The following ATL1 variants were observed in gnomAD, a reference collection of about 807,000 sequenced individuals.
The protein encoded by ATL1 is atlastin-1.
ATL1 carries 31 observed loss-of-function variants against 75.5 expected under a neutral mutation model. The ratio of observed to expected loss-of-function variants is 0.41; its 90% CI spans 0.31 to 0.55. The LOEUF is 0.55. ATL1 is among the 20% of genes least tolerant of loss of function. ATL1 has a pLI of 0.27. For missense variants in ATL1, 405 were observed against 662.6 expected (o/e 0.61, Z 4.27); for synonymous variants, 226 against 233.3 (o/e 0.97, Z 0.28).
rs773997706 is a variant in ATL1, at chr14:50,628,258, C to T, written c.1347C>T (p.Ala449=). Residue 449 remains alanine (A), a synonymous_variant, in exon 12 of 14, where the codon GCC becomes GCT. Coordinates refer to ENST00000358385, the MANE Select transcript of ATL1 (RefSeq NM_015915.5). ...TCTTCCATGCAGCTCGTACCCCAGCCACACTGTTTGTAGTCATCTTTATCA... is the reference window on the plus strand; with the variant it reads ...TCTTCCATGCAGCTCGTACCCCAGCTACACTGTTTGTAGTCATCTTTATCA... ...KNIFHAARTP[A]TLFVVIFITY... 9.3e-6 allele frequency: 15 copies of T among 1,614,070 alleles called. No homozygotes were observed. In the South Asian group the frequency reaches 1.1e-4, roughly 12 times the overall value.
At chr14:50,556,017 A>C (rs1305267470), upstream of ATL1, among the ~76,000 whole-genome samples, 1 of 152,194 alleles carries the variant, frequency 6.6e-6, no homozygotes, top group Non-Finnish European at 1.5e-5. Context: ...ATACAGGGGG[A>C]AGAGAATAGT....
chr14:50,629,193 TTTAG>T (rs1414300649), intron 12 of ATL1, among the ~76,000 whole-genome samples: 1 of 152,232 alleles, frequency 6.6e-6, no homozygotes, highest in Non-Finnish European at 1.5e-5. Flanking sequence ...CATTCTCTTT[TTTAG>T]TTAAAAACTT....
chr14:50,615,029 A>G (rs941911896), intron 8 of ATL1, among the ~76,000 whole-genome samples: 6 of 152,216 alleles, frequency 3.9e-5, no homozygotes, highest in Admixed American at 3.9e-4. Flanking sequence ...GTGTTTTTCA[A>G]ATAGTGTATA....
intron 6 of ATL1, among the ~76,000 whole-genome samples, chr14:50,596,280 G>A (rs2039216099): frequency 6.6e-6 from 1 of 151,948 alleles, no homozygotes; most frequent in Non-Finnish European, 1.5e-5. Flanking sequence ...TCCAGCCTGG[G>A]CAACATAGTG....
intron 8 of ATL1, among the ~76,000 whole-genome samples, chr14:50,617,957 G>C (rs540598041): frequency 6.6e-6 from 1 of 152,260 alleles, no homozygotes; most frequent in Admixed American, 6.5e-5. Context: ...AGAACAAAGA[G>C]GGCTACTGCC....
chr14:50,597,289 A>G (rs914992365), intron 6 of ATL1, among the ~76,000 whole-genome samples: 1 of 152,050 alleles, frequency 6.6e-6, no homozygotes, highest in Non-Finnish European at 1.5e-5. Flanking sequence ...AAGAACATTT[A>G]TAAAAGCTAT....
At chr14:50,554,944 G>A (rs2038747024) in intron 1 of ATL1, among the ~76,000 whole-genome samples, 1 of 152,030 alleles carries the variant, frequency 6.6e-6, no homozygotes, top group Non-Finnish European at 1.5e-5. Flanking sequence ...TTGTCTTTTT[G>A]GCAAAGTCTT....
intron 1 of ATL1, among the ~76,000 whole-genome samples, chr14:50,585,241 G>C (rs1471529207): frequency 1.3e-5 from 2 of 152,176 alleles, no homozygotes; most frequent in African/African-American, 2.4e-5. Flanking sequence ...TTTTAAAGTT[G>C]AATATTTGAA....
upstream of ATL1, chr14:50,560,083 C>A: frequency 1.5e-6 from 1 of 669,708 alleles, no homozygotes; most frequent in Non-Finnish European, 2.6e-6. Flanking sequence ...GAGCTTGGTT[C>A]ATCTGCTTTC....
At chr14:50,572,118 T>C (rs978490893) in intron 1 of ATL1, 4 of 461,902 alleles carry the variant, frequency 8.7e-6, no homozygotes, top group Admixed American at 5.1e-5. Flanking sequence ...TTTTTTTAAA[T>C]CCAGAGGGTG....
At chr14:50,624,555 G>A (rs1199681933) in intron 11 of ATL1, among the ~76,000 whole-genome samples, 1 of 151,882 alleles carries the variant, frequency 6.6e-6, no homozygotes, top group African/African-American at 2.4e-5. Flanking sequence ...TTTACCTGAG[G>A]CACAACAATA....
At chr14:50,536,835 A>G (rs1206192727) in intron 1 of ATL1, among the ~76,000 whole-genome samples, 1 of 152,234 alleles carries the variant, frequency 6.6e-6, no homozygotes, top group Non-Finnish European at 1.5e-5. Flanking sequence ...TAAGCAGCAA[A>G]GCATTCAAGA....
At chr14:50,628,757 T>C (rs552078852) in intron 12 of ATL1, among the ~76,000 whole-genome samples, 2 of 152,274 alleles carry the variant, frequency 1.3e-5, no homozygotes, top group African/African-American at 2.4e-5. Flanking sequence ...TGCTCTGTCA[T>C]CTAGGCTGGA....
intron 1 of ATL1, among the ~76,000 whole-genome samples, chr14:50,585,678 A>G (rs181482742): frequency 6.5e-4 from 99 of 152,284 alleles, no homozygotes; most frequent in Admixed American, 1.6e-3. Flanking sequence ...TGATATGGGT[A>G]CCATTATGAA....
intron 1 of ATL1, among the ~76,000 whole-genome samples, chr14:50,561,756 G>A (rs1377152157): frequency 6.6e-6 from 1 of 152,134 alleles, no homozygotes; most frequent in Non-Finnish European, 1.5e-5. Context: ...TGAAACTTCA[G>A]TTTTAACAGA....
chr14:50,620,202 G>A (rs1395283442), intron 8 of ATL1, among the ~76,000 whole-genome samples: 2 of 152,168 alleles, frequency 1.3e-5, no homozygotes, highest in African/African-American at 2.4e-5. Flanking sequence ...AGGTTGCAGT[G>A]AGCTGAGATT....
chr14:50,607,258 C>T (rs913795570), intron 6 of ATL1, among the ~76,000 whole-genome samples: 3 of 151,952 alleles, frequency 2.0e-5, no homozygotes, highest in African/African-American at 7.2e-5. Context: ...AGGATAAGAC[C>T]ATCTCTCAAA....
chr14:50,615,890 A>G (rs1225008058), intron 8 of ATL1, among the ~76,000 whole-genome samples: 1 of 152,242 alleles, frequency 6.6e-6, no homozygotes, highest in Non-Finnish European at 1.5e-5. Context: ...CCATTACTGC[A>G]GTATACAGCT....
At chr14:50,589,155 CTTTTTTTT>C (rs34191629) in intron 2 of ATL1, among the ~76,000 whole-genome samples, 3 of 109,428 alleles carry the variant, frequency 2.7e-5, no homozygotes, top group Non-Finnish European at 3.7e-5. Flanking sequence ...TTCTTTCTTT[CTTTTTTTT>C]TTTTTTTTTT....
Sources: allele counts gnomAD v4.1 joint callset (sites outside exome capture counted in the v4.1 genomes callset), GRCh38; gene constraint gnomAD v4.1.1; transcripts MANE v1.5; gene names NCBI Gene and HGNC (gene_info 2026-07-23, HGNC 2026-07-21).